Variants in METTL9 observed in about 807,000 individuals in gnomAD.
The protein encoded by METTL9 is methyltransferase 9, His-X-His N1(pi)-histidine, also known as protein-L-histidine N-pros-methyltransferase.
METTL9 carries 10 observed loss-of-function variants against 36.0 expected under a neutral mutation model. That is an observed-to-expected ratio of 0.28 (90% CI 0.17 to 0.47). The LOEUF (loss-of-function observed/expected upper bound fraction) is 0.47, where lower values mean the gene tolerates loss of function less well. Ranked by LOEUF, METTL9 falls within the 20% of genes least tolerant of loss-of-function variation. The probability of loss-of-function intolerance (pLI) is 0.99; values close to 1 mark genes in which losing one functional copy is unlikely to be tolerated. For missense variants in METTL9, 246 were observed against 383.5 expected, an observed-to-expected ratio of 0.64 and a Z score of 3.00; for synonymous variants, 175 against 149.7, an observed-to-expected ratio of 1.17 and a Z score of -1.23.
At chr16:21,613,786 TG>T (rs1206170075) in intron 2 of METTL9, among the ~76,000 whole-genome samples, 3 of 151,942 alleles carry the variant, frequency 2.0e-5, no homozygotes, top group African/African-American at 7.3e-5. Flanking sequence ...GTCCCCAGAG[TG>T]GTTCCCTCAT....
chr16:21,607,727 GC>G (rs1965324444), intron 1 of METTL9, among the ~76,000 whole-genome samples: 1 of 152,226 alleles, frequency 6.6e-6, no homozygotes, highest in Non-Finnish European at 1.5e-5. Context: ...GTAGGCTCCA[GC>G]CAAGGAGTCC....
At chr16:21,641,764 G>T (rs1295699477) in intron 4 of METTL9, among the ~76,000 whole-genome samples, 1 of 152,088 alleles carries the variant, frequency 6.6e-6, no homozygotes, top group East Asian at 1.9e-4. Flanking sequence ...AGAGTAGGAT[G>T]TGGGAACTGA....
chr16:21,647,671 G>C (rs1402108606), intron 4 of METTL9, among the ~76,000 whole-genome samples: 2 of 152,094 alleles, frequency 1.3e-5, no homozygotes, highest in African/African-American at 4.8e-5. Context: ...CCTGTTTTCT[G>C]ACCTTGACCT....
chr16:21,597,644 CCTTT>C (rs1271610330), upstream of METTL9, among the ~76,000 whole-genome samples: 4 of 152,134 alleles, frequency 2.6e-5, no homozygotes, highest in Non-Finnish European at 5.9e-5. Context: ...CTTTTTGTCT[CCTTT>C]GTCTTCAGAA....
At position 21,612,671 on chromosome 16, in the gene METTL9, A is replaced by G. The variant is rs1172385339; in HGVS notation, c.192A>G (p.Leu64=). Residue 64 remains leucine, a synonymous_variant, in exon 2 of 5, where the codon TTA becomes TTG. Transcript: ENST00000358154. ...GGTATGTGTGCAACAGAGAGAAATT[A>G]TGCGAATCACTCCAGGCTGTCTTTG... ...HQWYVCNREK[L]CESLQAVFVQ... The G allele has an allele frequency of 1.9e-6, 3 of 1,553,804 alleles. No homozygotes were observed. In the African/African-American group the frequency reaches 4.4e-5, roughly 23 times the overall value.
In METTL9 at chr16:21,657,280, A is replaced by G. The variant is rs1966731459; in HGVS notation, c.*1848A>G. On this transcript the variant is annotated 3_prime_UTR_variant, in exon 5 of 5. Transcript: ENST00000358154. ...AAGTTCTCTGAAAACCAGCTTATTAAAAGTGCTGTTTTGTGGTGAAAATTG... is the reference window on the plus strand; with the variant it reads ...AAGTTCTCTGAAAACCAGCTTATTAGAAGTGCTGTTTTGTGGTGAAAATTG... 6.6e-6 allele frequency: 1 copy of G among 152,196 alleles called. No homozygotes were observed. Among genetic ancestry groups the G allele is most frequent in the Non-Finnish European group, 1.5e-5 (1 of 68,036 alleles). 9.4% of individuals were successfully genotyped at this position (152,196 alleles called of 1,614,324 possible).
chr16:21,650,508 CAAAAAA>C (rs3046229), intron 4 of METTL9, among the ~76,000 whole-genome samples: 5 of 89,954 alleles, frequency 5.6e-5, no homozygotes, highest in South Asian at 4.0e-4. Flanking sequence ...ACTCTTGTCT[CAAAAAA>C]AAAAAAAAAA....
chr16:21,618,641 G>A (rs372175605), intron 3 of METTL9, among the ~76,000 whole-genome samples: 1 of 152,024 alleles, frequency 6.6e-6, no homozygotes, highest in South Asian at 2.1e-4. Context: ...CCTTGTGACT[G>A]GCTTATCGCA....
chr16:21,635,975 G>A lies in METTL9; in HGVS notation c.751+10860G>A, dbSNP rs192476917. ...AAAACCTGCACCCTTGCCTGTCCTC[G>A]TAGACCACAAAGACTGAGAAAAATT... On this transcript the variant is annotated intron_variant, in intron 4 of 4. Transcript: ENST00000358154. Among the ~76,000 whole-genome samples the A allele has an allele frequency of 3.7e-4, 56 of 152,190 alleles. 1 individual carries two copies. Among genetic ancestry groups the A allele is most frequent in the Middle Eastern group, 3.4e-3 (1 of 294 alleles).
chr16:21,622,141 CTTT>C lies in METTL9; in HGVS notation c.567-2771_567-2769del, dbSNP rs541282506. 4.6e-4 allele frequency among the ~76,000 whole-genome samples: 16 copies of C among 34,920 alleles called. 1 individual carries two copies. The highest frequency in any genetic ancestry group is 1.4e-3 in the South Asian group (1 of 698). The allele number at this position is 34,920 out of a possible 152,430, so 22.9% of individuals were successfully genotyped here. The stretch of plus-strand genomic sequence containing the variant: ...ATAGGTGTGAGCCACCATGCCTGGC[CTTT>C]TTTTTTTTTTTTTTTTTTGAGACAG... On this transcript the variant is annotated intron_variant, in intron 3 of 4. Coordinates refer to ENST00000358154, the MANE Select transcript of METTL9 (RefSeq NM_016025.5).
At chr16:21,648,080 C>T (rs1029824099) in intron 4 of METTL9, among the ~76,000 whole-genome samples, 7 of 152,296 alleles carry the variant, frequency 4.6e-5, no homozygotes, top group Admixed American at 6.5e-5. Flanking sequence ...AACATGTACA[C>T]CTGTGGAAAT....
chr16:21,602,727 GGTTCAC>G (rs1965169168), intron 1 of METTL9, among the ~76,000 whole-genome samples: 1 of 147,888 alleles, frequency 6.8e-6, no homozygotes, highest in South Asian at 2.1e-4. Context: ...GCCCAATTTT[GGTTCAC>G]TGCAACCTCT....
intron 1 of METTL9, among the ~76,000 whole-genome samples, chr16:21,610,925 C>T (rs41468646): frequency 0.14 from 21,816 of 152,050 alleles, 2,078 homozygotes; most frequent in Non-Finnish European, 0.21. Context: ...GAGTTCAGAA[C>T]GTGCACCAGG....
intron 3 of METTL9, among the ~76,000 whole-genome samples, chr16:21,618,927 C>T (rs1439942408): frequency 6.6e-6 from 1 of 152,070 alleles, no homozygotes; most frequent in Non-Finnish European, 1.5e-5. Flanking sequence ...TTTGGCCAGG[C>T]TGGTCTCGAA....
At chr16:21,650,563 A>T (rs959989138) in intron 4 of METTL9, among the ~76,000 whole-genome samples, 1 of 151,814 alleles carries the variant, frequency 6.6e-6, no homozygotes, top group African/African-American at 2.4e-5. Context: ...CTGACTTTCA[A>T]CACTTTTCTT....
chr16:21,633,608 T>C (rs1966016888), intron 4 of METTL9, among the ~76,000 whole-genome samples: 1 of 152,100 alleles, frequency 6.6e-6, no homozygotes, highest in Non-Finnish European at 1.5e-5. Flanking sequence ...TCCTCTGGTA[T>C]TTAAGAGAGC....
At position 21,630,149 on chromosome 16, in the gene METTL9, T is replaced by C. The variant is rs139339252; in HGVS notation, c.751+5034T>C. 8.9e-3 allele frequency among the ~76,000 whole-genome samples: 1,349 copies of C among 152,340 alleles called. 46 individuals carry two copies. The highest frequency in any genetic ancestry group is 0.083 in the East Asian group (430 of 5,180). On this transcript the variant is annotated intron_variant, in intron 4 of 4. Coordinates refer to ENST00000358154, the MANE Select transcript of METTL9 (RefSeq NM_016025.5). ...TCCCCACCCGACCCAGAAGCCCAGC[T>C]GGCTTCACCTCTCAATGGCACTGGC...
At chr16:21,625,254 T>A in intron 4 of METTL9, 139 bp downstream of exon 4, 1 of 904,160 alleles carries the variant, frequency 1.1e-6, no homozygotes, top group Non-Finnish European at 1.7e-6. Context: ...TTAATCCATG[T>A]AAAACACCAT....
intron 4 of METTL9, among the ~76,000 whole-genome samples, chr16:21,648,612 C>T (rs1966488173): frequency 6.6e-6 from 1 of 152,192 alleles, no homozygotes; most frequent in South Asian, 2.1e-4. Flanking sequence ...CCACCTTGGC[C>T]TTTATATCCC....
Sources: allele counts gnomAD v4.1 joint callset (sites outside exome capture counted in the v4.1 genomes callset), GRCh38; gene constraint gnomAD v4.1.1; transcripts MANE v1.5; gene names NCBI Gene and HGNC (gene_info 2026-07-23, HGNC 2026-07-21).